GPR39: variants seen among roughly 807,000 people sequenced by gnomAD.
GPR39 encodes zinc sensing receptor.
Under a neutral mutation model 18.4 loss-of-function variants are expected in GPR39, and 23 were observed. The ratio of observed to expected loss-of-function variants is 1.25; its 90% CI spans 0.90 to 1.77. The LOEUF is 1.77. GPR39 is among the 40% of genes most tolerant of loss of function. GPR39 has a pLI of 0.00. For missense variants in GPR39, 647 were observed against 602.4 expected, an observed-to-expected ratio of 1.07 and a Z score of -0.78; for synonymous variants, 280 against 257.9, an observed-to-expected ratio of 1.09 and a Z score of -0.82.
Position 132,417,201 on chromosome 2 carries a change from G to A in GPR39, c.159G>A (p.Arg53=). 6.2e-7 allele frequency: 1 copy of A among 1,614,054 alleles called. No individual in the cohort carries two copies. The highest frequency in any genetic ancestry group is 8.5e-7 in the Non-Finnish European group (1 of 1,179,996). Residue 53 remains arginine (R), a synonymous_variant, in exon 1 of 2, where the codon CGG becomes CGA. Transcript: ENST00000329321. ...MGLLGNSATI[R]VTQVLQKKGY... ...TTCTGGGGAACAGCGCCACCATTCGGGTCACCCAGGTGCTGCAGAAGAAAG... is the reference window on the plus strand; with the variant it reads ...TTCTGGGGAACAGCGCCACCATTCGAGTCACCCAGGTGCTGCAGAAGAAAG...
intron 1 of GPR39, among the ~76,000 whole-genome samples, chr2:132,486,872 G>A (rs1337980613): frequency 6.6e-6 from 1 of 152,218 alleles, no homozygotes; most frequent in African/African-American, 2.4e-5. Context: ...TGCATTCACA[G>A]CTTGGCTAAC....
intron 1 of GPR39, among the ~76,000 whole-genome samples, chr2:132,610,435 T>C (rs7593698): frequency 0.021 from 3,195 of 152,116 alleles, 116 homozygotes; most frequent in African/African-American, 0.073. Flanking sequence ...ACATCCAAAG[T>C]GAAATGACAG....
intron 1 of GPR39, among the ~76,000 whole-genome samples, chr2:132,537,832 G>T (rs2872943): frequency 0.14 from 21,918 of 151,264 alleles, 2,255 homozygotes; most frequent in East Asian, 0.58. Flanking sequence ...CTGCTTGATC[G>T]ATTCGACTAT....
At chr2:132,423,490 C>T (rs548821586) in intron 1 of GPR39, among the ~76,000 whole-genome samples, 1 of 152,278 alleles carries the variant, frequency 6.6e-6, no homozygotes, top group Admixed American at 6.5e-5. Context: ...CCTTAACTGC[C>T]TTATTCCACT....
At chr2:132,435,800 C>T (rs1249523322) in intron 1 of GPR39, among the ~76,000 whole-genome samples, 1 of 152,068 alleles carries the variant, frequency 6.6e-6, no homozygotes. Context: ...CTCAAAAGTC[C>T]CCATAGACAT....
At chr2:132,563,218 T>C (rs943332205) in intron 1 of GPR39, among the ~76,000 whole-genome samples, 1 of 152,198 alleles carries the variant, frequency 6.6e-6, no homozygotes, top group Non-Finnish European at 1.5e-5. Context: ...ACAGATCAGC[T>C]ATTGAGAGGA....
At chr2:132,571,006 A>G (rs3109149) in intron 1 of GPR39, among the ~76,000 whole-genome samples, 83,990 of 152,126 alleles carry the variant, frequency 0.55, 23,915 homozygotes, top group East Asian at 0.92. Flanking sequence ...AGTGCGCTGT[A>G]GGGACTGTGA....
rs553639213 is a variant in GPR39, at chr2:132,437,307, G to A, written c.856+19409G>A. On this transcript the variant is annotated intron_variant, in intron 1 of 1. Transcript: ENST00000329321. ...TCATTAACGAAAATGCCAATCTGAA[G>A]CCAGTAAACTGAGTTTATGATCATG... Among the ~76,000 whole-genome samples, 5 of 152,304 alleles carry A rather than the reference G, an allele frequency of 3.3e-5. No individual in the cohort carries two copies. The East Asian group carries it at 9.7e-4, about 29-fold the overall frequency.
chr2:132,592,855 C>T lies in GPR39; in HGVS notation c.857-52246C>T, dbSNP rs568675927. Among the ~76,000 whole-genome samples, 10 of 152,234 alleles carry T rather than the reference C, an allele frequency of 6.6e-5. No individual in the cohort carries two copies. The South Asian group carries it at 1.9e-3, about 28-fold the overall frequency. ...GTACCTGGGGTTGGGCCAGACCCTACAGATGAAGGAGTTAGTCCTCTATAA... is the reference window on the plus strand; with the variant it reads ...GTACCTGGGGTTGGGCCAGACCCTATAGATGAAGGAGTTAGTCCTCTATAA... On this transcript the variant is annotated intron_variant, in intron 1 of 1. Transcript: ENST00000329321.
At chr2:132,604,173 T>C (rs1681094183) in intron 1 of GPR39, among the ~76,000 whole-genome samples, 1 of 152,166 alleles carries the variant, frequency 6.6e-6, no homozygotes, top group South Asian at 2.1e-4. Flanking sequence ...CTCAGTTCTG[T>C]ACACCACTTC....
Position 132,532,031 on chromosome 2 carries a change from A to T in GPR39, c.857-113070A>T, listed in dbSNP as rs1208920173. ...GAACTGAAGGAGATAGAGACACAAA[A>T]AACCCTTCAAAAAATCAATGAATCC... On this transcript the variant is annotated intron_variant, in intron 1 of 1. Coordinates refer to ENST00000329321, the MANE Select transcript of GPR39 (RefSeq NM_001508.3). Among the ~76,000 whole-genome samples, 3 of 152,198 alleles carry T rather than the reference A, an allele frequency of 2.0e-5. No homozygotes were observed. In the East Asian group the frequency reaches 5.8e-4, roughly 29 times the overall value.
chr2:132,600,548 TACAAGGGATCATTAAAGACTATTATGA>T (rs1399009654), intron 1 of GPR39, among the ~76,000 whole-genome samples: 3 of 151,914 alleles, frequency 2.0e-5, no homozygotes, highest in Admixed American at 6.6e-5. Context: ...ATCACAGAAA[TACAAGGGATCATTAAAGACTATTATGA>T]ACAACTACAT....
intron 1 of GPR39, among the ~76,000 whole-genome samples, chr2:132,556,643 G>C (rs1353320156): frequency 1.3e-5 from 2 of 152,168 alleles, no homozygotes; most frequent in Non-Finnish European, 2.9e-5. Context: ...TAAAGTGATA[G>C]GATGTGATTA....
chr2:132,504,142 C>T (rs549312784), intron 1 of GPR39, among the ~76,000 whole-genome samples: 8 of 152,248 alleles, frequency 5.3e-5, no homozygotes, highest in Middle Eastern at 3.4e-3. Flanking sequence ...TTCCTGCAGT[C>T]GTTTTTGGAG....
intron 1 of GPR39, among the ~76,000 whole-genome samples, chr2:132,642,820 A>ATAAC (rs1261253492): frequency 6.6e-6 from 1 of 152,204 alleles, no homozygotes; most frequent in African/African-American, 2.4e-5. Context: ...ATTCTGGGCA[A>ATAAC]TAACTCCTCA....
At chr2:132,641,017 C>T (rs1449959587) in intron 1 of GPR39, among the ~76,000 whole-genome samples, 1 of 152,196 alleles carries the variant, frequency 6.6e-6, no homozygotes, top group Non-Finnish European at 1.5e-5. Flanking sequence ...CCTAATGCTC[C>T]ATTTTCCTAG....
At chr2:132,528,654 CT>C (rs1225260802) in intron 1 of GPR39, among the ~76,000 whole-genome samples, 13 of 152,050 alleles carry the variant, frequency 8.5e-5, no homozygotes, top group African/African-American at 2.9e-4. Flanking sequence ...CTTCATATTC[CT>C]TATAGGCTGT....
intron 1 of GPR39, among the ~76,000 whole-genome samples, chr2:132,595,809 A>G (rs1345195875): frequency 2.0e-5 from 3 of 152,176 alleles, no homozygotes; most frequent in Admixed American, 1.3e-4. Context: ...TTTACTGCTG[A>G]GGAATAAACC....
intron 1 of GPR39, among the ~76,000 whole-genome samples, chr2:132,615,886 C>T (rs943010387): frequency 1.3e-5 from 2 of 150,658 alleles, no homozygotes; most frequent in Non-Finnish European, 2.9e-5. Context: ...ACAAGTGTGT[C>T]TTTAAATGTC....
Sources: gnomAD v4.1 joint callset for allele counts (sites outside exome capture counted in the v4.1 genomes callset) on GRCh38, gnomAD v4.1.1 for gene constraint, MANE v1.5 for transcripts, NCBI Gene and HGNC (gene_info 2026-07-23, HGNC 2026-07-21) for gene names.